The following PPM1L variants were observed in gnomAD, a reference collection of about 807,000 sequenced individuals.
PPM1L encodes the protein protein phosphatase 1L.
A neutral mutation model predicts 31.4 loss-of-function variants in PPM1L; 13 were observed. The observed-to-expected ratio is 0.41, with a 90% confidence interval of 0.27 to 0.66. PPM1L has a LOEUF of 0.66. Among genes scored for constraint, PPM1L ranks in the 30% least tolerant of loss-of-function variants. The pLI is 0.29. For synonymous variants in PPM1L, 184 were observed against 175.4 expected, an observed-to-expected ratio of 1.05 and a Z score of -0.39; for missense variants, 326 against 453.7, an observed-to-expected ratio of 0.72 and a Z score of 2.56.
intron 1 of PPM1L, among the ~76,000 whole-genome samples, chr3:160,902,711 T>A (rs980087194): frequency 6.6e-6 from 1 of 152,184 alleles, no homozygotes; most frequent in Non-Finnish European, 1.5e-5. Context: ...AAAAACAGTC[T>A]TATTAATTTT....
intron 3 of PPM1L, among the ~76,000 whole-genome samples, chr3:161,067,848 T>A (rs1719784735): frequency 6.6e-6 from 1 of 152,196 alleles, no homozygotes; most frequent in Non-Finnish European, 1.5e-5. Flanking sequence ...ACCCTCATGA[T>A]CAGAACTGGA....
intron 1 of PPM1L, among the ~76,000 whole-genome samples, chr3:160,766,360 C>T (rs761381859): frequency 2.6e-5 from 4 of 152,070 alleles, no homozygotes; most frequent in East Asian, 3.8e-4. Flanking sequence ...GGAAGGACCT[C>T]GTGGAAGGTG....
chr3:160,835,150 T>TTTTTCTTCC (rs531184312), intron 1 of PPM1L, among the ~76,000 whole-genome samples: 136 of 104,984 alleles, frequency 1.3e-3, no homozygotes, highest in African/African-American at 8.0e-3. Flanking sequence ...TTTTTCTTCC[T>TTTTTCTTCC]TTTTTTTTTT....
chr3:160,876,133 G>C (rs1234500778), intron 1 of PPM1L, among the ~76,000 whole-genome samples: 3 of 152,186 alleles, frequency 2.0e-5, no homozygotes, highest in African/African-American at 7.2e-5. Flanking sequence ...TGTAGGAAGT[G>C]TACAGGTTGT....
At chr3:160,907,077 T>G (rs1005145991) in intron 1 of PPM1L, among the ~76,000 whole-genome samples, 1 of 152,190 alleles carries the variant, frequency 6.6e-6, no homozygotes, top group Non-Finnish European at 1.5e-5. Context: ...CTCAGATTAT[T>G]GGGGACTATT....
At chr3:161,016,729 C>T (rs1718097826) in intron 2 of PPM1L, among the ~76,000 whole-genome samples, 1 of 152,138 alleles carries the variant, frequency 6.6e-6, no homozygotes. Flanking sequence ...CCTGGTAGGA[C>T]ATCAGGTTGG....
At chr3:160,770,448 G>C (rs573479467) in intron 1 of PPM1L, among the ~76,000 whole-genome samples, 2 of 152,146 alleles carry the variant, frequency 1.3e-5, no homozygotes, top group Non-Finnish European at 2.9e-5. Flanking sequence ...TAGAAAGTAA[G>C]AGCCAAAGAA....
chr3:160,778,900 CTG>C (rs1356022710), intron 1 of PPM1L, among the ~76,000 whole-genome samples: 19 of 152,146 alleles, frequency 1.2e-4, no homozygotes, highest in Admixed American at 1.2e-3. Flanking sequence ...TTGGTGAAAA[CTG>C]TGGTTGGTAA....
At chr3:160,777,536 C>A (rs1711598519) in intron 1 of PPM1L, among the ~76,000 whole-genome samples, 1 of 152,106 alleles carries the variant, frequency 6.6e-6, no homozygotes, top group Non-Finnish European at 1.5e-5. Flanking sequence ...CTCCCTGTAG[C>A]CCCCTGATAA....
At position 160,927,606 on chromosome 3, in the gene PPM1L, A is replaced by ATGTGTG. The variant is rs141545778; in HGVS notation, c.400-34113_400-34108dup. On this transcript the variant is annotated intron_variant, in intron 1 of 3. Transcript: ENST00000498165. ...ATTTCATGAGATCTTTCATTTCCCT[A>ATGTGTG]TGTGTGTGTGTGTGTGTGTGTGCGT... Among the ~76,000 whole-genome samples the ATGTGTG allele has an allele frequency of 6.6e-3, 979 of 148,450 alleles. 8 individuals carry two copies. The highest frequency in any genetic ancestry group is 0.023 in the African/African-American group (923 of 40,556).
At chr3:160,854,879 CAAA>C (rs33923660) in intron 1 of PPM1L, among the ~76,000 whole-genome samples, 9,962 of 95,602 alleles carry the variant, frequency 0.1, 443 homozygotes, top group Admixed American at 0.15. Context: ...CATGTGGAAC[CAAA>C]AAAAAAAAAA....
Position 160,986,945 on chromosome 3 carries a change from T to G in PPM1L, c.574+25035T>G, listed in dbSNP as rs187109059. 3.7e-3 allele frequency among the ~76,000 whole-genome samples: 560 copies of G among 152,360 alleles called. 2 individuals are homozygous for G. The highest frequency in any genetic ancestry group is 4.8e-3 in the Non-Finnish European group (324 of 68,030). On this transcript the variant is annotated intron_variant, in intron 2 of 3. Transcript: ENST00000498165. Reference sequence around the variant, plus strand: ...CAGTTACTAATAAATAGTCCTTGAATTTACAACACTCATTAGCTGATTGGT... The same window carrying G: ...CAGTTACTAATAAATAGTCCTTGAAGTTACAACACTCATTAGCTGATTGGT...
intron 1 of PPM1L, among the ~76,000 whole-genome samples, chr3:160,760,698 C>T (rs1316224235): frequency 1.3e-5 from 2 of 149,996 alleles, no homozygotes; most frequent in African/African-American, 4.9e-5. Context: ...TTTTTATCTA[C>T]AGGCAAAAGG....
intron 1 of PPM1L, among the ~76,000 whole-genome samples, chr3:160,948,494 G>A (rs181125307): frequency 6.6e-6 from 1 of 152,138 alleles, no homozygotes; most frequent in African/African-American, 2.4e-5. Context: ...CCATGCCTGG[G>A]ATGGTCAAGA....
At chr3:160,913,646 C>T (rs762671847) in intron 1 of PPM1L, among the ~76,000 whole-genome samples, 5 of 152,060 alleles carry the variant, frequency 3.3e-5, no homozygotes, top group Non-Finnish European at 5.9e-5. Context: ...TTAATGAGAT[C>T]GTATAATATG....
chr3:160,881,836 G>A (rs780053927), intron 1 of PPM1L, among the ~76,000 whole-genome samples: 1 of 152,150 alleles, frequency 6.6e-6, no homozygotes. Flanking sequence ...CAGATCACAA[G>A]GTCAGGAGAT....
chr3:160,779,246 T>A (rs1307082877), intron 1 of PPM1L, among the ~76,000 whole-genome samples: 1 of 152,184 alleles, frequency 6.6e-6, no homozygotes, highest in Non-Finnish European at 1.5e-5. Context: ...GTGGAGAAGC[T>A]AGGTGTCAGT....
chr3:160,855,990 A>C lies in PPM1L; in HGVS notation c.399+99283A>C, dbSNP rs73155995. Among the ~76,000 whole-genome samples, 1,175 of 152,156 alleles carry C rather than the reference A, an allele frequency of 7.7e-3. 5 individuals are homozygous for C. The highest frequency in any genetic ancestry group is 0.051 in the Middle Eastern group (15 of 294). ...ACAATAGGCTGTCTGCAAGCTGAGG[A>C]GTAAGGAAGCTAGTCTGAGTCCCAA... On this transcript the variant is annotated intron_variant, in intron 1 of 3. Transcript: ENST00000498165.
intron 1 of PPM1L, among the ~76,000 whole-genome samples, chr3:160,937,619 C>CA (rs200296655): frequency 0.038 from 5,695 of 148,460 alleles, 139 homozygotes; most frequent in African/African-American, 0.053. Context: ...GTCTCCGTCT[C>CA]AAAAAAAAAC....
Sources: allele counts gnomAD v4.1 joint callset (sites outside exome capture counted in the v4.1 genomes callset), GRCh38; gene constraint gnomAD v4.1.1; transcripts MANE v1.5; gene names NCBI Gene and HGNC (gene_info 2026-07-23, HGNC 2026-07-21).